Variants in ADAM12 observed in about 807,000 individuals in gnomAD.
ADAM12 encodes the protein ADAM metallopeptidase domain 12, also known as disintegrin and metalloproteinase domain-containing protein 12.
Under a neutral mutation model 106.4 loss-of-function variants are expected in ADAM12, and 70 were observed. The observed-to-expected ratio is 0.66, with a 90% CI of 0.54 to 0.80. ADAM12 has a LOEUF of 0.80. ADAM12 is among the 30% of genes least tolerant of loss of function. The pLI is 0.00. For missense variants in ADAM12, 1,010 were observed against 1,171.9 expected (o/e 0.86, Z 2.02); for synonymous variants, 420 against 433.5 (o/e 0.97, Z 0.39).
At chr10:126,047,959 G>A (rs1015150599) in intron 16 of ADAM12, among the ~76,000 whole-genome samples, 3 of 152,194 alleles carry the variant, frequency 2.0e-5, no homozygotes, top group Admixed American at 6.5e-5. Flanking sequence ...ATACTATGCA[G>A]CCATAAAAAA....
At chr10:126,170,066 T>A (rs1178634410) in intron 3 of ADAM12, among the ~76,000 whole-genome samples, 3 of 152,206 alleles carry the variant, frequency 2.0e-5, no homozygotes, top group African/African-American at 7.2e-5. Flanking sequence ...CTTGTATTAA[T>A]TGGTGCTTTG....
At chr10:126,089,257 A>G (rs902686419) in intron 11 of ADAM12, among the ~76,000 whole-genome samples, 1 of 152,216 alleles carries the variant, frequency 6.6e-6, no homozygotes, top group African/African-American at 2.4e-5. Flanking sequence ...AAGGATGCTC[A>G]CTATAGGAAA....
intron 12 of ADAM12, among the ~76,000 whole-genome samples, chr10:126,068,201 A>G (rs1954912712): frequency 6.6e-6 from 1 of 152,204 alleles, no homozygotes; most frequent in African/African-American, 2.4e-5. Context: ...ACTTTTTTTA[A>G]AAAAAGTAGT....
At chr10:126,282,614 G>C (rs1217191537) in intron 2 of ADAM12, among the ~76,000 whole-genome samples, 2 of 152,020 alleles carry the variant, frequency 1.3e-5, no homozygotes, top group Non-Finnish European at 2.9e-5. Flanking sequence ...TCTTATATTT[G>C]TTAGATTTAT....
rs186949905 is a variant in ADAM12 at position 126,251,232 on chromosome 10, G to A, written c.260+27683C>T. Among the ~76,000 whole-genome samples the A allele has an allele frequency of 7.9e-4, 121 of 152,324 alleles. 1 individual carries two copies. Among genetic ancestry groups the A allele is most frequent in the Admixed American group, 4.8e-3 (74 of 15,310 alleles). On this transcript the variant is annotated intron_variant, in intron 3 of 22. Transcript: ENST00000448723. The stretch of plus-strand genomic sequence containing the variant: ...CCTCGACCTTTCTGAGACCTGGTTC[G>A]TTGTGCTTTCCTCCAGTTCCTTCCT...
At chr10:126,200,320 T>C (rs911941799) in intron 3 of ADAM12, among the ~76,000 whole-genome samples, 3 of 152,198 alleles carry the variant, frequency 2.0e-5, no homozygotes, top group African/African-American at 7.2e-5. Context: ...AACCATGACA[T>C]TGATCCCCAA....
intron 4 of ADAM12, among the ~76,000 whole-genome samples, chr10:126,154,926 T>C (rs1370681157): frequency 6.6e-6 from 1 of 152,204 alleles, no homozygotes; most frequent in African/African-American, 2.4e-5. Context: ...CATCTCTAAC[T>C]GGCTAGGTTT....
At chr10:126,046,253 T>C (rs1408775201) in intron 16 of ADAM12, 121 bp from the exon 17 acceptor site, 2 of 846,448 alleles carry the variant, frequency 2.4e-6, no homozygotes, top group Non-Finnish European at 2.0e-6. Flanking sequence ...CCCAACCTTG[T>C]CTCAGTTAAT....
chr10:126,273,542 A>G (rs942362674), intron 3 of ADAM12: 3 of 152,144 alleles, frequency 2.0e-5, no homozygotes, highest in Non-Finnish European at 4.4e-5. Flanking sequence ...CTACACTCAA[A>G]GATTTTAAAA....
At chr10:126,358,103 C>A (rs528312531) in intron 1 of ADAM12, among the ~76,000 whole-genome samples, 2 of 149,818 alleles carry the variant, frequency 1.3e-5, no homozygotes, top group South Asian at 4.2e-4. Flanking sequence ...GCATGAACCC[C>A]GGGGGGTGGA....
chr10:126,279,407 G>GGCAACAA, intron 2 of ADAM12, among the ~76,000 whole-genome samples: 1 of 148,682 alleles, frequency 6.7e-6, no homozygotes, highest in South Asian at 2.3e-4. Context: ...CTCCAGCCTG[G>GGCAACAA]GTGGCAGAGT....
Position 126,014,404 on chromosome 10 carries a change from A to G in ADAM12, c.*2875T>C, listed in dbSNP as rs1252311463. 1 of 99,624 alleles carries G rather than the reference A, an allele frequency of 1.0e-5. No individual in the cohort carries two copies. Among genetic ancestry groups the G allele is most frequent in the Non-Finnish European group, 1.9e-5 (1 of 51,768 alleles). 6.2% of individuals were successfully genotyped at this position (99,624 alleles called of 1,614,324 possible). A position where few individuals can be genotyped will look rare whatever the true frequency, so the allele number is the denominator to read the frequency against. On this transcript the variant is annotated 3_prime_UTR_variant, in exon 23 of 23. Transcript: ENST00000448723. ...TATAGTTCAGCCTGAGAATTCTCAT[A>G]AAGTTAAGAAGGCATAAAAATGCCC...
At chr10:126,048,967 G>A (rs1954399362) in intron 16 of ADAM12, among the ~76,000 whole-genome samples, 1 of 152,184 alleles carries the variant, frequency 6.6e-6, no homozygotes, top group Non-Finnish European at 1.5e-5. Flanking sequence ...ATATGCGATT[G>A]TATTTCTTTC....
At position 126,016,386 on chromosome 10, in the gene ADAM12, A is replaced by C. The variant is rs1427476351; in HGVS notation, c.*893T>G. The stretch of plus-strand genomic sequence containing the variant: ...AGTTTGTGGTGATTTGCTCAGCTCC[A>C]AGCAGTATAGGGAGGTGGCGGTTTG... On this transcript the variant is annotated 3_prime_UTR_variant, in exon 23 of 23. Coordinates refer to ENST00000448723, the MANE Select transcript of ADAM12 (RefSeq NM_001288973.2). 6.6e-6 allele frequency: 1 copy of C among 152,134 alleles called. No individual in the cohort carries two copies. The highest frequency in any genetic ancestry group is 2.4e-5 in the African/African-American group (1 of 41,424). 9.4% of individuals were successfully genotyped at this position (152,134 alleles called of 1,614,324 possible).
intron 1 of ADAM12, among the ~76,000 whole-genome samples, chr10:126,375,924 A>G (rs2133927537): frequency 6.7e-6 from 1 of 149,030 alleles, no homozygotes; most frequent in East Asian, 2.0e-4. Flanking sequence ...TTTTTTTTGT[A>G]GAAATGGGGT....
At chr10:126,239,412 C>T (rs930793750) in intron 3 of ADAM12, among the ~76,000 whole-genome samples, 9 of 152,176 alleles carry the variant, frequency 5.9e-5, no homozygotes, top group Admixed American at 3.9e-4. Context: ...TTGAAAATTT[C>T]GTCAGTCCTA....
At chr10:126,270,958 G>A (rs977064597) in intron 3 of ADAM12, among the ~76,000 whole-genome samples, 15 of 152,192 alleles carry the variant, frequency 9.9e-5, no homozygotes, top group Non-Finnish European at 2.1e-4. Context: ...GCCTCTCCAT[G>A]TTCTGCCCAC....
chr10:126,251,775 T>A (rs1242513350), intron 3 of ADAM12, among the ~76,000 whole-genome samples: 1 of 149,560 alleles, frequency 6.7e-6, no homozygotes, highest in Non-Finnish European at 1.5e-5. Context: ...GATGATGGGA[T>A]GAATGGATTG....
intron 2 of ADAM12, among the ~76,000 whole-genome samples, chr10:126,280,893 G>T (rs1959542930): frequency 6.6e-6 from 1 of 151,994 alleles, no homozygotes; most frequent in Non-Finnish European, 1.5e-5. Context: ...GTGTTTATAA[G>T]AACTGTGTGC....
Sources: gnomAD v4.1 joint callset for allele counts (sites outside exome capture counted in the v4.1 genomes callset) on GRCh38, gnomAD v4.1.1 for gene constraint, MANE v1.5 for transcripts, NCBI Gene and HGNC (gene_info 2026-07-23, HGNC 2026-07-21) for gene names.